The following CHCHD6 variants were observed in gnomAD, a reference collection of about 807,000 sequenced individuals.
The protein encoded by CHCHD6 is coiled-coil-helix-coiled-coil-helix domain containing 6.
CHCHD6 carries 28 observed loss-of-function variants against 32.3 expected under a neutral mutation model. The ratio of observed to expected loss-of-function variants is 0.87; its 90% confidence interval spans 0.64 to 1.19. The LOEUF is 1.19. CHCHD6 is among the 50% of genes most tolerant of loss of function. The pLI is 0.00. For missense variants in CHCHD6, 333 were observed against 307.0 expected (o/e 1.08, Z -0.63); for synonymous variants, 122 against 117.5 (o/e 1.04, Z -0.25).
At chr3:126,876,731 C>T (rs1159810262) in intron 5 of CHCHD6, among the ~76,000 whole-genome samples, 1 of 152,140 alleles carries the variant, frequency 6.6e-6, no homozygotes, top group African/African-American at 2.4e-5. Flanking sequence ...CATTTTGCAA[C>T]CGGACTCTAA....
chr3:126,953,509 C>G (rs1165791740), intron 6 of CHCHD6, among the ~76,000 whole-genome samples: 2 of 152,210 alleles, frequency 1.3e-5, no homozygotes, highest in Admixed American at 6.5e-5. Flanking sequence ...AAGCTCACCC[C>G]ACTCCAGACC....
intron 5 of CHCHD6, among the ~76,000 whole-genome samples, chr3:126,895,031 T>C (rs2077818479): frequency 6.6e-6 from 1 of 152,246 alleles, no homozygotes; most frequent in South Asian, 2.1e-4. Context: ...GTAATGCATA[T>C]TCAAGCATAT....
At chr3:126,750,046 T>C (rs1936665436) in intron 4 of CHCHD6, among the ~76,000 whole-genome samples, 1 of 152,212 alleles carries the variant, frequency 6.6e-6, no homozygotes, top group African/African-American at 2.4e-5. Flanking sequence ...CCTGGTGCCT[T>C]CAGGGACCTC....
At chr3:126,711,964 T>C (rs954468784) in intron 1 of CHCHD6, among the ~76,000 whole-genome samples, 5 of 152,224 alleles carry the variant, frequency 3.3e-5, no homozygotes, top group Admixed American at 3.3e-4. Flanking sequence ...CCTGAATCCA[T>C]CACATGTTCT....
intron 4 of CHCHD6, among the ~76,000 whole-genome samples, chr3:126,760,797 A>G (rs1236236873): frequency 6.6e-6 from 1 of 152,082 alleles, no homozygotes; most frequent in African/African-American, 2.4e-5. Flanking sequence ...TGTGAACAAG[A>G]GAGTGCAAAT....
intron 6 of CHCHD6, among the ~76,000 whole-genome samples, chr3:126,954,251 G>A (rs576055443): frequency 9.8e-5 from 15 of 152,328 alleles, no homozygotes; most frequent in South Asian, 2.1e-4. Context: ...TAAACTGGGA[G>A]CCCACTGCGA....
intron 5 of CHCHD6, among the ~76,000 whole-genome samples, chr3:126,864,602 T>TCCTCCA (rs1259088243): frequency 1.4e-5 from 2 of 138,692 alleles, no homozygotes; most frequent in African/African-American, 2.9e-5. Flanking sequence ...CACCTCCTTC[T>TCCTCCA]CCTCCACCTC....
intron 4 of CHCHD6, among the ~76,000 whole-genome samples, chr3:126,836,273 G>C (rs758304195): frequency 6.6e-5 from 10 of 152,164 alleles, no homozygotes; most frequent in African/African-American, 9.7e-5. Flanking sequence ...TCTCGAATAT[G>C]TCATGTTTGT....
At chr3:126,926,761 T>C (rs139536699) in intron 6 of CHCHD6, among the ~76,000 whole-genome samples, 3 of 152,166 alleles carry the variant, frequency 2.0e-5, no homozygotes, top group Non-Finnish European at 4.4e-5. Context: ...AAGCAGGGAA[T>C]TGATATGATT....
At position 126,914,665 on chromosome 3, in the gene CHCHD6, T is replaced by C; in HGVS notation, c.496-15T>C. 6.6e-7 allele frequency: 1 copy of C among 1,524,174 alleles called. No homozygotes were observed. The highest frequency in any genetic ancestry group is 9.1e-7 in the Non-Finnish European group (1 of 1,098,430). 94.4% of individuals were successfully genotyped at this position (1,524,174 alleles called of 1,614,324 possible). A position where few individuals can be genotyped will look rare whatever the true frequency, so the allele number is the denominator to read the frequency against. The stretch of plus-strand genomic sequence containing the variant: ...TTTCAGTCTTTGGTAACCAATTCTG[T>C]TTTTCTCCTTGTAGAATGCTGAGAT... On this transcript the variant is annotated splice_polypyrimidine_tract_variant and intron_variant, in intron 5 of 7. Transcript: ENST00000290913.
chr3:126,721,720 C>G lies in CHCHD6; in HGVS notation c.88-5358C>G, dbSNP rs1413143148. 2.5e-5 allele frequency among the ~76,000 whole-genome samples: 3 copies of G among 121,678 alleles called. No homozygotes were observed. The East Asian group carries it at 8.9e-4, about 36-fold the overall frequency. The allele number at this position is 121,678 out of a possible 152,430, so 79.8% of individuals were successfully genotyped here. A position where few individuals can be genotyped will look rare whatever the true frequency, so the allele number is the denominator to read the frequency against. On this transcript the variant is annotated intron_variant, in intron 1 of 7. Coordinates refer to ENST00000290913, the MANE Select transcript of CHCHD6 (RefSeq NM_032343.3). ...TTCATCACCCCCACCCCCCACCCTC[C>G]CCACCAAATCCTACTTACCCTGTAG... is the stretch of plus-strand genomic sequence containing the variant.
chr3:126,906,206 C>T lies in CHCHD6; in HGVS notation c.496-8474C>T, dbSNP rs947390999. Reference sequence around the variant, plus strand: ...TGTGGTGTTGTCTCATTCTGAACTGCCACTAGTGGAGATGGTATTCCATGC... The same window carrying T: ...TGTGGTGTTGTCTCATTCTGAACTGTCACTAGTGGAGATGGTATTCCATGC... On this transcript the variant is annotated intron_variant, in intron 5 of 7. Transcript: ENST00000290913. Among the ~76,000 whole-genome samples the T allele has an allele frequency of 2.0e-5, 3 of 152,350 alleles. No individual in the cohort carries two copies. The East Asian group carries it at 5.8e-4, about 29-fold the overall frequency.
intron 4 of CHCHD6, among the ~76,000 whole-genome samples, chr3:126,838,693 G>C (rs908496132): frequency 6.6e-6 from 1 of 152,186 alleles, no homozygotes; most frequent in African/African-American, 2.4e-5. Flanking sequence ...AACACCTACA[G>C]CAGGGCAGAA....
intron 1 of CHCHD6, among the ~76,000 whole-genome samples, chr3:126,706,408 G>A (rs1255705084): frequency 1.3e-5 from 2 of 152,142 alleles, no homozygotes; most frequent in East Asian, 1.9e-4. Context: ...GGTGCAAAAA[G>A]CAACTTTTTC....
chr3:126,719,214 C>T (rs867862131), intron 1 of CHCHD6, among the ~76,000 whole-genome samples: 6 of 152,240 alleles, frequency 3.9e-5, no homozygotes, highest in South Asian at 2.1e-4. Context: ...TGCCGGCCTT[C>T]TGTGGGGCCC....
chr3:126,796,840 G>A (rs1170014857), intron 4 of CHCHD6, among the ~76,000 whole-genome samples: 2 of 152,124 alleles, frequency 1.3e-5, no homozygotes, highest in African/African-American at 4.8e-5. Context: ...GAGCTTCCTT[G>A]CCCTCCACTG....
intron 5 of CHCHD6, among the ~76,000 whole-genome samples, chr3:126,881,388 G>T (rs942194663): frequency 2.6e-5 from 4 of 152,190 alleles, no homozygotes; most frequent in Admixed American, 2.6e-4. Flanking sequence ...CCTTTCCACA[G>T]GGCTCTGTGC....
chr3:126,814,612 C>A (rs997564858), intron 4 of CHCHD6, among the ~76,000 whole-genome samples: 1 of 152,164 alleles, frequency 6.6e-6, no homozygotes, highest in Non-Finnish European at 1.5e-5. Context: ...TCCAGATAAC[C>A]GAACACTTAG....
At chr3:126,862,719 T>C (rs375925748) in intron 5 of CHCHD6, among the ~76,000 whole-genome samples, 745 of 2,520 alleles carry the variant, frequency 0.3, 10 homozygotes, top group Middle Eastern at 0.5. Flanking sequence ...CCTCCTCCTC[T>C]ACCATCACCA....
Sources: allele counts gnomAD v4.1 joint callset (sites outside exome capture counted in the v4.1 genomes callset), GRCh38; gene constraint gnomAD v4.1.1; transcripts MANE v1.5; gene names NCBI Gene and HGNC (gene_info 2026-07-23, HGNC 2026-07-21).